The following MGA variants were observed in gnomAD, a reference collection of about 807,000 sequenced individuals.
MGA encodes MAX gene-associated protein.
A neutral mutation model predicts 261.1 loss-of-function variants in MGA; 40 were observed. That is an observed-to-expected ratio of 0.15 (90% CI 0.12 to 0.20). The LOEUF (loss-of-function observed/expected upper bound fraction) is 0.20. Among genes scored for constraint, MGA ranks in the 10% least tolerant of loss-of-function variants. The pLI is 1.00. For synonymous variants in MGA, 1,302 were observed against 1,290.6 expected (o/e 1.01, Z -0.19); for missense variants, 3,397 against 3,630.5 (o/e 0.94, Z 1.65).
chr15:41,761,859 A>G lies in MGA; in HGVS notation c.7510+9A>G, dbSNP rs542728805. The G allele has an allele frequency of 1.1e-5, 17 of 1,511,490 alleles. No individual in the cohort carries two copies. In the Admixed American group the frequency reaches 2.7e-4, roughly 24 times the overall value. The allele number at this position is 1,511,490 out of a possible 1,614,324, so 93.6% of individuals were successfully genotyped here. A position where few individuals can be genotyped will look rare whatever the true frequency, so the allele number is the denominator to read the frequency against. On this transcript the variant is annotated intron_variant, in intron 21 of 23. Transcript: ENST00000219905. Reference sequence around the variant, plus strand: ...AGTATCGTCTCTTTCAGGTGAGATAAGTAAATAATCTCTGGTAAAGAGCAT... The same window carrying G: ...AGTATCGTCTCTTTCAGGTGAGATAGGTAAATAATCTCTGGTAAAGAGCAT...
rs111813061 is a variant in MGA at position 41,718,948 on chromosome 15, A to C, written c.3430+5452A>C. On this transcript the variant is annotated intron_variant, in intron 9 of 23. Coordinates refer to ENST00000219905, the MANE Select transcript of MGA (RefSeq NM_001164273.2). ...GCATGATAAAGAGAGAGGTATCCAG[A>C]TTGGAAAGGAAGAAGTAAAAATTGG... Among the ~76,000 whole-genome samples, 526 of 152,306 alleles carry C rather than the reference A, an allele frequency of 3.5e-3. 1 individual carries two copies. Among genetic ancestry groups the C allele is most frequent in the Non-Finnish European group, 6.2e-3 (424 of 68,020 alleles).
intron 9 of MGA, among the ~76,000 whole-genome samples, chr15:41,725,498 C>T (rs2061175074): frequency 6.6e-6 from 1 of 151,910 alleles, no homozygotes; most frequent in South Asian, 2.1e-4. Context: ...CATGATTGTG[C>T]CACTACTTGG....
At chr15:41,720,969 T>C (rs2060909278) in intron 9 of MGA, among the ~76,000 whole-genome samples, 1 of 152,184 alleles carries the variant, frequency 6.6e-6, no homozygotes, top group African/African-American at 2.4e-5. Flanking sequence ...ATGGGAAAAA[T>C]AGAAACTTTA....
At chr15:41,665,095 T>G (rs1756705676) in intron 1 of MGA, among the ~76,000 whole-genome samples, 1 of 152,234 alleles carries the variant, frequency 6.6e-6, no homozygotes, top group Non-Finnish European at 1.5e-5. Context: ...TAAAAATATC[T>G]ATTATCTGTA....
intron 15 of MGA, among the ~76,000 whole-genome samples, chr15:41,746,500 T>C (rs1358450897): frequency 1.4e-5 from 2 of 148,048 alleles, no homozygotes; most frequent in East Asian, 3.9e-4. Context: ...AGCCGAGATC[T>C]TGCCATTGCA....
At chr15:41,625,884 A>G (rs1010029505) in intron 1 of MGA, among the ~76,000 whole-genome samples, 12 of 152,160 alleles carry the variant, frequency 7.9e-5, no homozygotes, top group African/African-American at 2.9e-4. Context: ...ATATACCTGT[A>G]TATATCCCTT....
intron 2 of MGA, among the ~76,000 whole-genome samples, chr15:41,682,037 C>T (rs2058708673): frequency 1.3e-5 from 2 of 152,058 alleles, no homozygotes; most frequent in African/African-American, 4.8e-5. Flanking sequence ...CTTGCCTCAG[C>T]CTCCGGAGTA....
intron 1 of MGA, among the ~76,000 whole-genome samples, chr15:41,663,563 C>T (rs1050513962): frequency 3.3e-5 from 5 of 151,904 alleles, no homozygotes; most frequent in African/African-American, 1.2e-4. Flanking sequence ...GGTGCTATCT[C>T]GGCTCATTGC....
chr15:41,625,131 G>A lies in MGA; in HGVS notation c.-68+3833G>A, dbSNP rs556298396. On this transcript the variant is annotated intron_variant, in intron 1 of 8. Transcript: ENST00000566718. ...CACTCCAGATTGGCCAACAGAGTGA[G>A]ACCCAGGCTCAACAAAAGAGAAAGG... Among the ~76,000 whole-genome samples, 3 of 152,248 alleles carry A rather than the reference G, an allele frequency of 2.0e-5. No individual in the cohort carries two copies. In the South Asian group the frequency reaches 6.2e-4, roughly 32 times the overall value.
At chr15:41,650,902 A>T (rs1047998103) in intron 1 of MGA, among the ~76,000 whole-genome samples, 1 of 152,178 alleles carries the variant, frequency 6.6e-6, no homozygotes. Flanking sequence ...GGTTATTTTC[A>T]TCTGGTCTTA....
chr15:41,766,438 T>C lies in MGA; in HGVS notation c.8356T>C (p.Ser2786Pro). Residue 2786 changes from serine to proline, a missense_variant, in exon 24 of 24, where the codon TCA becomes CCA. Transcript: ENST00000219905. The stretch of plus-strand genomic sequence containing the variant: ...ATTAAAGATGAAAGATCTCAAGGAC[T>C]CAAGCATAGAGATGGAACTGAGGAA... 6.2e-7 allele frequency: 1 copy of C among 1,613,944 alleles called. No homozygotes were observed. Among genetic ancestry groups the C allele is most frequent in the Non-Finnish European group, 8.5e-7 (1 of 1,179,870 alleles).
In MGA at chr15:41,766,932, T is replaced by C. The variant is rs780771145; in HGVS notation, c.8850T>C (p.Asn2950=). The change falls in exon 24 of 24, where the codon AAT becomes AAC. Residue 2950 remains asparagine (N), a synonymous_variant. Transcript: ENST00000219905. ...AGAAAGCTATTGATGGAGGGAAGAATACTTCTGGCCTCCCTGCAGAGCCCG... is the reference window on the plus strand; with the variant it reads ...AGAAAGCTATTGATGGAGGGAAGAACACTTCTGGCCTCCCTGCAGAGCCCG... 25 of 1,614,016 alleles carry C rather than the reference T, an allele frequency of 1.5e-5. No homozygotes were observed. The South Asian group carries it at 2.7e-4, about 18-fold the overall frequency.
chr15:41,764,694 C>A (rs150357087), intron 22 of MGA, among the ~76,000 whole-genome samples, 192 bp from the exon 23 acceptor site: 1 of 151,974 alleles, frequency 6.6e-6, no homozygotes, highest in African/African-American at 2.4e-5. Context: ...CCACCACACC[C>A]GCCTAATTTA....
intron 2 of MGA, among the ~76,000 whole-genome samples, chr15:41,694,652 G>T (rs900149524): frequency 6.6e-6 from 1 of 151,572 alleles, no homozygotes; most frequent in Non-Finnish European, 1.5e-5. Context: ...TCAGCCTCCC[G>T]AGTAGCTGGG....
intron 1 of MGA, among the ~76,000 whole-genome samples, chr15:41,638,688 C>CT (rs761492514): frequency 0.033 from 3,779 of 115,606 alleles, 128 homozygotes; most frequent in African/African-American, 0.069. Flanking sequence ...TTTTCTTTTT[C>CT]TTTTTTTTTT....
At chr15:41,710,552 T>A (rs961129743) in intron 7 of MGA, 139 bp from the exon 8 acceptor site, 2 of 845,576 alleles carry the variant, frequency 2.4e-6, no homozygotes, top group African/African-American at 3.4e-5. Context: ...CAGGTGGGAG[T>A]CACTGTGCCC....
At chr15:41,704,527 G>A (rs2060010512) in intron 5 of MGA, among the ~76,000 whole-genome samples, 2 of 152,262 alleles carry the variant, frequency 1.3e-5, no homozygotes, top group South Asian at 2.1e-4. Context: ...GAGTGGTGGT[G>A]GGCACCTGTA....
rs997838325 is a variant in MGA at position 41,730,557 on chromosome 15, G to A, written c.3843+1208G>A. Among the ~76,000 whole-genome samples, 9 of 152,048 alleles carry A rather than the reference G, an allele frequency of 5.9e-5. No homozygotes were observed. In the East Asian group the frequency reaches 7.7e-4, roughly 13 times the overall value. ...AAAATCCTGTATAATTTACACAGTC[G>A]TTCAAGCAAACACAAGAAAACTGGT... On this transcript the variant is annotated intron_variant, in intron 11 of 23. Transcript: ENST00000219905.
At chr15:41,745,945 A>T (rs1229275553) in intron 15 of MGA, among the ~76,000 whole-genome samples, 1 of 152,218 alleles carries the variant, frequency 6.6e-6, no homozygotes, top group African/African-American at 2.4e-5. Flanking sequence ...AATCTTTTAA[A>T]ATAAATAGAC....
Sources: gnomAD v4.1 joint callset for allele counts (sites outside exome capture counted in the v4.1 genomes callset) on GRCh38, gnomAD v4.1.1 for gene constraint, MANE v1.5 for transcripts, NCBI Gene and HGNC (gene_info 2026-07-23, HGNC 2026-07-21) for gene names.